DCC: variants seen among roughly 807,000 people sequenced by gnomAD.
DCC encodes DCC netrin 1 receptor, also known as netrin receptor DCC.
A neutral mutation model predicts 172.5 loss-of-function variants in DCC; 58 were observed. That is an observed-to-expected ratio of 0.34 (90% CI 0.27 to 0.42). DCC has a LOEUF of 0.42. DCC is among the 10% of genes least tolerant of loss of function. The pLI is 1.00. For missense variants in DCC, 1,740 were observed against 1,791.0 expected (o/e 0.97, Z 0.51); for synonymous variants, 709 against 644.5 (o/e 1.10, Z -1.52).
intron 13 of DCC, among the ~76,000 whole-genome samples, chr18:53,316,328 C>T (rs949133893): frequency 6.6e-6 from 1 of 152,094 alleles, no homozygotes; most frequent in African/African-American, 2.4e-5. Context: ...TGTTTTGGTA[C>T]CAGTACCATG....
intron 2 of DCC, among the ~76,000 whole-genome samples, chr18:52,846,608 A>AAC (rs71175524): frequency 0.08 from 10,429 of 130,296 alleles, 543 homozygotes; most frequent in Admixed American, 0.15. Flanking sequence ...TGCCACTCCA[A>AAC]ACACACACAC....
chr18:53,232,799 G>A (rs1002149517), intron 12 of DCC, among the ~76,000 whole-genome samples: 1 of 151,986 alleles, frequency 6.6e-6, no homozygotes, highest in South Asian at 2.1e-4. Flanking sequence ...TCCTCGAAGC[G>A]ACTTTCACTA....
chr18:52,996,844 CTA>C (rs1411658829), intron 5 of DCC, among the ~76,000 whole-genome samples: 1 of 144,742 alleles, frequency 6.9e-6, no homozygotes, highest in African/African-American at 2.5e-5. Flanking sequence ...CCCTCTTTCT[CTA>C]TCTCTTTCCC....
chr18:53,168,172 T>G (rs1409543385), intron 8 of DCC, among the ~76,000 whole-genome samples: 1 of 152,138 alleles, frequency 6.6e-6, no homozygotes, highest in Non-Finnish European at 1.5e-5. Flanking sequence ...CTCAAGGATC[T>G]ACAACCAGAA....
intron 1 of DCC, among the ~76,000 whole-genome samples, chr18:52,535,210 C>A (rs1040148745): frequency 6.6e-6 from 1 of 152,190 alleles, no homozygotes; most frequent in Non-Finnish European, 1.5e-5. Flanking sequence ...GTGGAATCTT[C>A]ACTCACTCAA....
chr18:53,068,789 GTGTGTGTGTATGTGTA>G (rs1446856418), intron 7 of DCC, among the ~76,000 whole-genome samples: 1 of 151,388 alleles, frequency 6.6e-6, no homozygotes, highest in African/African-American at 2.4e-5. Flanking sequence ...GTGTGTGTGT[GTGTGTGTGTATGTGTA>G]TGTGTGTGTG....
At chr18:53,312,497 A>G (rs2057286671) in intron 13 of DCC, among the ~76,000 whole-genome samples, 1 of 150,026 alleles carries the variant, frequency 6.7e-6, no homozygotes, top group South Asian at 2.1e-4. Context: ...CAGGAACTAG[A>G]TCTAAGATAA....
intron 2 of DCC, among the ~76,000 whole-genome samples, chr18:52,786,713 C>G (rs904844594): frequency 2.0e-5 from 3 of 152,026 alleles, no homozygotes; most frequent in Admixed American, 6.6e-5. Flanking sequence ...CCAAGATAAA[C>G]TTGGAGTTCG....
chr18:53,163,197 T>C (rs1245488905), intron 8 of DCC, among the ~76,000 whole-genome samples: 2 of 152,206 alleles, frequency 1.3e-5, no homozygotes, highest in South Asian at 2.1e-4. Flanking sequence ...TCATGCCTCA[T>C]GTAAACATAA....
chr18:52,877,901 T>C (rs951718638), intron 2 of DCC, among the ~76,000 whole-genome samples: 2 of 152,146 alleles, frequency 1.3e-5, no homozygotes, highest in African/African-American at 4.8e-5. Flanking sequence ...ATGCACCAAG[T>C]AGCACTTAAA....
chr18:52,426,706 AG>A (rs1334935988), intron 1 of DCC, among the ~76,000 whole-genome samples: 4 of 152,132 alleles, frequency 2.6e-5, no homozygotes, highest in Admixed American at 2.6e-4. Flanking sequence ...CCTTGTTGCC[AG>A]CATGTAAATA....
At chr18:52,372,231 T>G (rs776360912) in intron 1 of DCC, among the ~76,000 whole-genome samples, 2 of 152,164 alleles carry the variant, frequency 1.3e-5, no homozygotes, top group Non-Finnish European at 2.9e-5. Flanking sequence ...AGTAGTAACC[T>G]CTGCATAATA....
intron 1 of DCC, among the ~76,000 whole-genome samples, chr18:52,664,088 C>T (rs985357078): frequency 6.6e-6 from 1 of 152,188 alleles, no homozygotes; most frequent in African/African-American, 2.4e-5. Flanking sequence ...CAGATAGTTG[C>T]TTTATCATTA....
intron 12 of DCC, among the ~76,000 whole-genome samples, chr18:53,298,217 G>A (rs2057089722): frequency 6.6e-6 from 1 of 151,962 alleles, no homozygotes; most frequent in African/African-American, 2.4e-5. Context: ...CTCTTTTTCA[G>A]TATGTACATG....
intron 3 of DCC, among the ~76,000 whole-genome samples, chr18:52,921,680 CAG>C (rs1031378072): frequency 2.0e-5 from 3 of 148,528 alleles, no homozygotes; most frequent in East Asian, 2.0e-4. Flanking sequence ...GCCTGGGTGA[CAG>C]AGAGGCTCCA....
At chr18:52,796,282 T>C (rs372958524) in intron 2 of DCC, among the ~76,000 whole-genome samples, 2 of 152,032 alleles carry the variant, frequency 1.3e-5, no homozygotes, top group African/African-American at 4.8e-5. Context: ...TGTCATTTTG[T>C]TAGTTTTCTG....
At chr18:53,487,500 C>T (rs182692283) in intron 26 of DCC, among the ~76,000 whole-genome samples, 19 of 149,702 alleles carry the variant, frequency 1.3e-4, no homozygotes, top group African/African-American at 4.6e-4. Flanking sequence ...TTATATACAC[C>T]CTGGTGATTT....
chr18:52,439,174 T>TTGTTTG (rs1987894133), intron 1 of DCC, among the ~76,000 whole-genome samples: 2 of 144,750 alleles, frequency 1.4e-5, no homozygotes, highest in Admixed American at 1.4e-4. Flanking sequence ...AAGATATGTT[T>TTGTTTG]TGTGTGTGTG....
At chr18:52,826,584 A>G (rs749426271) in intron 2 of DCC, among the ~76,000 whole-genome samples, 17 of 152,058 alleles carry the variant, frequency 1.1e-4, no homozygotes, top group Non-Finnish European at 2.2e-4. Context: ...AGCCTCAAGC[A>G]ACTCTCCGGC....
Sources: allele counts gnomAD v4.1 joint callset (sites outside exome capture counted in the v4.1 genomes callset), GRCh38; gene constraint gnomAD v4.1.1; transcripts MANE v1.5; gene names NCBI Gene and HGNC (gene_info 2026-07-23, HGNC 2026-07-21).